The following OLFM3 variants were observed in gnomAD, a reference collection of about 807,000 sequenced individuals.
The protein encoded by OLFM3 is olfactomedin 3.
In OLFM3, 20 loss-of-function variants were observed where a neutral mutation model predicts 48.6. The observed-to-expected ratio is 0.41, with a 90% CI of 0.29 to 0.60. The LOEUF (loss-of-function observed/expected upper bound fraction) is 0.60, where lower values mean the gene tolerates loss of function less well. Ranked by LOEUF, OLFM3 falls within the 20% of genes least tolerant of loss-of-function variation. The pLI is 0.28. For missense variants in OLFM3, 437 were observed against 544.3 expected (o/e 0.80, Z 1.96); for synonymous variants, 222 against 198.1 (o/e 1.12, Z -1.01).
chr1:101,967,590 G>GAAAAAAAAAAAAAAAAAAAA lies in OLFM3; in HGVS notation c.69+29138_69+29157dup, dbSNP rs71592233. Among the ~76,000 whole-genome samples, 21 of 44,580 alleles carry GAAAAAAAAAAAAAAAAAAAA rather than the reference G, an allele frequency of 4.7e-4. 2 individuals carry two copies. Among genetic ancestry groups the GAAAAAAAAAAAAAAAAAAAA allele is most frequent in the East Asian group, 1.2e-3 (1 of 852 alleles). 29.2% of individuals were successfully genotyped at this position (44,580 alleles called of 152,430 possible). A position where few individuals can be genotyped will look rare whatever the true frequency, so the allele number is the denominator to read the frequency against. On this transcript the variant is annotated intron_variant, in intron 1 of 5. Transcript: ENST00000370103. ...CCTTTTTACTTCCATCCTAGTCAGT[G>GAAAAAAAAAAAAAAAAAAAA]AAAAAAAAAAAAAAAAAAAAAAAAG...
chr1:101,889,316 G>C (rs910464027), intron 1 of OLFM3, among the ~76,000 whole-genome samples: 1 of 152,152 alleles, frequency 6.6e-6, no homozygotes, highest in Non-Finnish European at 1.5e-5. Flanking sequence ...GGAATACTAT[G>C]CATCCATAAA....
At chr1:101,980,701 T>C (rs1661084651) in intron 1 of OLFM3, among the ~76,000 whole-genome samples, 1 of 152,162 alleles carries the variant, frequency 6.6e-6, no homozygotes, top group African/African-American at 2.4e-5. Context: ...CTAGGGTAAA[T>C]ATGGCCCAGA....
chr1:101,929,414 T>G (rs941984231), intron 1 of OLFM3, among the ~76,000 whole-genome samples: 2 of 152,140 alleles, frequency 1.3e-5, no homozygotes, highest in African/African-American at 4.8e-5. Flanking sequence ...CTTGTACACT[T>G]GAATGCAGAA....
chr1:101,820,648 C>A (rs1654567876), intron 4 of OLFM3, among the ~76,000 whole-genome samples: 1 of 151,988 alleles, frequency 6.6e-6, no homozygotes, highest in South Asian at 2.1e-4. Context: ...AAATGGTGCC[C>A]ATGGTGCCCC....
chr1:101,805,876 T>C (rs1838587), intron 5 of OLFM3, among the ~76,000 whole-genome samples, 200 bp downstream of exon 5: 83,129 of 151,506 alleles, frequency 0.55, 23,212 homozygotes, highest in East Asian at 0.64. Flanking sequence ...AAGTGATGAA[T>C]TGGAAGATGG....
chr1:101,940,442 C>G (rs1659754661), intron 1 of OLFM3, among the ~76,000 whole-genome samples: 1 of 145,806 alleles, frequency 6.9e-6, no homozygotes, highest in Non-Finnish European at 1.5e-5. Context: ...AAATTTTTAT[C>G]TATCTATCTT....
chr1:101,949,838 G>A (rs572483634), intron 1 of OLFM3, among the ~76,000 whole-genome samples: 3 of 151,048 alleles, frequency 2.0e-5, no homozygotes, highest in Non-Finnish European at 4.4e-5. Context: ...GCTGAGGCAC[G>A]AGAATGGCGT....
chr1:101,803,065 A>C lies in OLFM3; in HGVS notation c.*1173T>G, dbSNP rs1249481156. The stretch of plus-strand genomic sequence containing the variant: ...TGGTTATTTACACTTTTGAAACCAC[A>C]AAGACAACTCCCAAGTCTCCCCATA... On this transcript the variant is annotated 3_prime_UTR_variant, in exon 6 of 6. Transcript: ENST00000370103. 1 of 152,004 alleles carries C rather than the reference A, an allele frequency of 6.6e-6. No homozygotes were observed. Among genetic ancestry groups the C allele is most frequent in the African/African-American group, 2.4e-5 (1 of 41,378 alleles). 9.4% of individuals were successfully genotyped at this position (152,004 alleles called of 1,614,324 possible). A position where few individuals can be genotyped will look rare whatever the true frequency, so the allele number is the denominator to read the frequency against.
intron 1 of OLFM3, among the ~76,000 whole-genome samples, chr1:101,878,533 G>A (rs1657391146): frequency 6.6e-6 from 1 of 151,902 alleles, no homozygotes; most frequent in Non-Finnish European, 1.5e-5. Flanking sequence ...CTGTAGCACG[G>A]AGGCTCTAAC....
intron 1 of OLFM3, among the ~76,000 whole-genome samples, chr1:101,886,564 A>G (rs1570598350): frequency 6.6e-6 from 1 of 152,088 alleles, no homozygotes; most frequent in African/African-American, 2.4e-5. Flanking sequence ...GCTTGGGGGA[A>G]CCAGCCCCTG....
chr1:101,955,008 A>C (rs1660244803), intron 1 of OLFM3, among the ~76,000 whole-genome samples: 1 of 152,078 alleles, frequency 6.6e-6, no homozygotes, highest in Non-Finnish European at 1.5e-5. Flanking sequence ...TGAGCCAATC[A>C]CACCACCTGG....
intron 1 of OLFM3, among the ~76,000 whole-genome samples, chr1:101,902,971 T>C (rs1658436586): frequency 6.6e-6 from 1 of 152,050 alleles, no homozygotes; most frequent in South Asian, 2.1e-4. Flanking sequence ...ATCACCACTG[T>C]ATGAAGGATA....
chr1:101,990,882 G>A (rs892376001), intron 1 of OLFM3, among the ~76,000 whole-genome samples: 1 of 149,620 alleles, frequency 6.7e-6, no homozygotes, highest in African/African-American at 2.5e-5. Flanking sequence ...ATGCTCAGGA[G>A]GCTGAGGCAG....
chr1:101,940,342 A>ATTT (rs34137812), intron 1 of OLFM3, among the ~76,000 whole-genome samples: 2 of 135,306 alleles, frequency 1.5e-5, no homozygotes, highest in Non-Finnish European at 1.6e-5. Flanking sequence ...GTTTTGGAAC[A>ATTT]TTTTTTTTTT....
intron 1 of OLFM3, among the ~76,000 whole-genome samples, chr1:101,872,614 G>C (rs528509634): frequency 2.0e-5 from 3 of 151,994 alleles, no homozygotes; most frequent in African/African-American, 7.2e-5. Flanking sequence ...AGTTGTTCTG[G>C]TTCAATCTCA....
intron 1 of OLFM3, among the ~76,000 whole-genome samples, chr1:101,975,952 G>A (rs894756518): frequency 6.6e-6 from 1 of 152,104 alleles, no homozygotes; most frequent in Non-Finnish European, 1.5e-5. Flanking sequence ...GAAAAAAACA[G>A]CCAACTTTTA....
intron 1 of OLFM3, among the ~76,000 whole-genome samples, chr1:101,927,061 T>C (rs1049981408): frequency 4.6e-5 from 7 of 152,164 alleles, no homozygotes; most frequent in African/African-American, 1.7e-4. Flanking sequence ...GAAATCTTTT[T>C]AGAATTATTT....
chr1:101,972,858 G>A (rs1660846751), intron 1 of OLFM3, among the ~76,000 whole-genome samples: 1 of 152,138 alleles, frequency 6.6e-6, no homozygotes, highest in Admixed American at 6.5e-5. Context: ...ATGTACCACA[G>A]AAAGTGGGTT....
At chr1:101,956,086 G>GTTTTTTTTGTT (rs1660283879) in intron 1 of OLFM3, among the ~76,000 whole-genome samples, 1 of 105,054 alleles carries the variant, frequency 9.5e-6, no homozygotes, top group Non-Finnish European at 2.0e-5. Flanking sequence ...ACAATAACAG[G>GTTTTTTTTGTT]TTTTTTTTTT....
Sources: gnomAD v4.1 joint callset for allele counts (sites outside exome capture counted in the v4.1 genomes callset) on GRCh38, gnomAD v4.1.1 for gene constraint, MANE v1.5 for transcripts, NCBI Gene and HGNC (gene_info 2026-07-23, HGNC 2026-07-21) for gene names.